Variants in ASTN2 observed in about 807,000 individuals in gnomAD.
The protein encoded by ASTN2 is astrotactin-2.
In ASTN2, 54 loss-of-function variants were observed where a neutral mutation model predicts 139.8. That is an observed-to-expected ratio of 0.39 (90% CI 0.31 to 0.48). The LOEUF is 0.48. Among genes scored for constraint, ASTN2 ranks in the 20% least tolerant of loss-of-function variants. The probability of loss-of-function intolerance (pLI) is 0.95; values close to 1 mark genes in which losing one functional copy is unlikely to be tolerated. For missense variants in ASTN2, 1,565 were observed against 1,725.1 expected (o/e 0.91, Z 1.64); for synonymous variants, 756 against 719.5 (o/e 1.05, Z -0.81).
chr9:116,975,150 G>C (rs1470374413), intron 10 of ASTN2, 58 bp downstream of exon 10: 1 of 1,477,204 alleles, frequency 6.8e-7, no homozygotes, highest in African/African-American at 1.4e-5. Context: ...TTCTCCAACA[G>C]GGGGACTTCC....
At chr9:116,930,516 A>G (rs2132450295) in intron 10 of ASTN2, among the ~76,000 whole-genome samples, 1 of 152,152 alleles carries the variant, frequency 6.6e-6, no homozygotes, top group Admixed American at 6.5e-5. Context: ...AAGCAGGGTT[A>G]TGCTATAACT....
chr9:116,888,755 A>G (rs554187632), intron 10 of ASTN2, among the ~76,000 whole-genome samples: 1 of 152,248 alleles, frequency 6.6e-6, no homozygotes, highest in Non-Finnish European at 1.5e-5. Context: ...TTTGTTACAT[A>G]GGTAAATGTG....
intron 17 of ASTN2, among the ~76,000 whole-genome samples, chr9:116,641,584 A>T (rs1020041165): frequency 3.3e-5 from 5 of 152,204 alleles, no homozygotes; most frequent in African/African-American, 1.2e-4. Context: ...AGGACAAGGG[A>T]AAGCTTTTCT....
chr9:116,805,670 C>G lies in ASTN2; in HGVS notation c.2358G>C (p.Gln786His), dbSNP rs771208368. 5 of 1,613,922 alleles carry G rather than the reference C, an allele frequency of 3.1e-6. No individual in the cohort carries two copies. In the East Asian group the frequency reaches 1.1e-4, roughly 36 times the overall value. ...GGAAGACTTGGCCTTGGTTCACATG[C>G]TGGGTCCGGTTGTTGTAACCATGTA... ...EMLHGYNNRT[Q>H]HVNQGQVFQM... Residue 786 changes from glutamine to histidine, a missense_variant, in exon 13 of 23, where the codon CAG becomes CAC. Physicochemically the swap from Gln to His is conservative, Grantham distance 24. Transcript: ENST00000313400.
chr9:117,209,251 A>G (rs150352228), intron 3 of ASTN2, among the ~76,000 whole-genome samples: 50 of 152,302 alleles, frequency 3.3e-4, no homozygotes, highest in African/African-American at 1.1e-3. Context: ...TTAAGAATAT[A>G]TAAACAGGAC....
intron 7 of ASTN2, among the ~76,000 whole-genome samples, chr9:116,984,746 C>T (rs12551372): frequency 0.039 from 6,003 of 152,316 alleles, 192 homozygotes; most frequent in Non-Finnish European, 0.061. Flanking sequence ...ATACATTTTA[C>T]AGCCCTGAAT....
intron 3 of ASTN2, among the ~76,000 whole-genome samples, chr9:117,201,819 A>T (rs1831731810): frequency 6.6e-6 from 1 of 152,128 alleles, no homozygotes; most frequent in Non-Finnish European, 1.5e-5. Flanking sequence ...TATTCTGCTG[A>T]TTTGGGGTAC....
chr9:117,327,471 T>C (rs536460318), intron 1 of ASTN2, among the ~76,000 whole-genome samples: 1 of 152,076 alleles, frequency 6.6e-6, no homozygotes, highest in African/African-American at 2.4e-5. Flanking sequence ...GGGTTTATGT[T>C]CAAGGAGGTA....
intron 13 of ASTN2, among the ~76,000 whole-genome samples, chr9:116,767,461 G>A (rs751886768): frequency 1.1e-4 from 16 of 152,208 alleles, no homozygotes; most frequent in African/African-American, 2.7e-4. Flanking sequence ...TTCTCTAGGC[G>A]TATGCAGGCC....
chr9:117,240,109 A>G (rs1463831310), intron 2 of ASTN2, among the ~76,000 whole-genome samples: 2 of 152,328 alleles, frequency 1.3e-5, no homozygotes, highest in South Asian at 2.1e-4. Flanking sequence ...GTAGTTTCAT[A>G]CTTTTTTAAA....
intron 1 of ASTN2, among the ~76,000 whole-genome samples, chr9:117,346,525 C>T (rs770340589): frequency 6.6e-6 from 1 of 152,170 alleles, no homozygotes; most frequent in Non-Finnish European, 1.5e-5. Flanking sequence ...TATCTTAGTG[C>T]AGTAAGAGTT....
At chr9:117,037,552 G>A (rs1266072839) in intron 6 of ASTN2, among the ~76,000 whole-genome samples, 1 of 152,182 alleles carries the variant, frequency 6.6e-6, no homozygotes, top group African/African-American at 2.4e-5. Flanking sequence ...TTAGATTAAT[G>A]TTTGTAGTAT....
At chr9:117,154,697 A>T (rs2132886967) in intron 3 of ASTN2, among the ~76,000 whole-genome samples, 1 of 152,240 alleles carries the variant, frequency 6.6e-6, no homozygotes, top group East Asian at 1.9e-4. Flanking sequence ...TGGTTAAAAC[A>T]TGTGAAAAAT....
intron 10 of ASTN2, among the ~76,000 whole-genome samples, chr9:116,949,942 T>G: frequency 6.6e-6 from 1 of 152,228 alleles, no homozygotes. Context: ...GTCTAGCATA[T>G]GGAAAATGTT....
At chr9:117,147,141 C>A (rs1411759777) in intron 3 of ASTN2, among the ~76,000 whole-genome samples, 1 of 152,052 alleles carries the variant, frequency 6.6e-6, no homozygotes, top group African/African-American at 2.4e-5. Flanking sequence ...ACCAGGCAAG[C>A]CTTAGCTTCT....
In ASTN2 at chr9:117,374,369, T is replaced by TAAAAAAAAAAAAAAAAAAAAAAAAA. The variant is rs57428022; in HGVS notation, c.442+40127_442+40128insTTTTTTTTTTTTTTTTTTTTTTTTT. On this transcript the variant is annotated intron_variant, in intron 1 of 22. Transcript: ENST00000313400. ...TTATGAGGCTGCATAAGGGCAGGGT[T>TAAAAAAAAAAAAAAAAAAAAAAAAA]AAAAAAAAAAAAAAAAAAAAAAAAG... Among the ~76,000 whole-genome samples the TAAAAAAAAAAAAAAAAAAAAAAAAA allele has an allele frequency of 3.4e-5, 3 of 87,340 alleles. 1 individual carries two copies. The highest frequency in any genetic ancestry group is 1.7e-4 in the African/African-American group (3 of 18,080). 57.3% of individuals were successfully genotyped at this position (87,340 alleles called of 152,430 possible).
At chr9:116,586,780 T>G (rs951363414) in intron 19 of ASTN2, among the ~76,000 whole-genome samples, 1 of 141,470 alleles carries the variant, frequency 7.1e-6, no homozygotes, top group African/African-American at 2.6e-5. Context: ...ATGTACCCCT[T>G]GAATCCAAAA....
chr9:116,565,381 CTCTCTCCA>C (rs1489146353), intron 19 of ASTN2, among the ~76,000 whole-genome samples: 27 of 34,706 alleles, frequency 7.8e-4, no homozygotes, highest in African/African-American at 1.0e-3. Flanking sequence ...CTCTCTCTCT[CTCTCTCCA>C]TATATATATA....
intron 4 of ASTN2, among the ~76,000 whole-genome samples, chr9:117,105,419 C>T (rs1829078423): frequency 6.6e-6 from 1 of 152,080 alleles, no homozygotes; most frequent in Non-Finnish European, 1.5e-5. Flanking sequence ...CCACCCCATC[C>T]CAGGTGGCAA....
Sources: gnomAD v4.1 joint callset for allele counts (sites outside exome capture counted in the v4.1 genomes callset) on GRCh38, gnomAD v4.1.1 for gene constraint, MANE v1.5 for transcripts, NCBI Gene and HGNC (gene_info 2026-07-23, HGNC 2026-07-21) for gene names.